The following KCTD8 variants were observed in gnomAD, a reference collection of about 807,000 sequenced individuals.
KCTD8 encodes potassium channel tetramerization domain containing 8, also known as BTB/POZ domain-containing protein KCTD8.
Under a neutral mutation model 31.5 loss-of-function variants are expected in KCTD8, and 27 were observed. That is an observed-to-expected ratio of 0.86 (90% CI 0.63 to 1.18). KCTD8 has a LOEUF of 1.18. Among genes scored for constraint, KCTD8 ranks in the 50% most tolerant of loss-of-function variants. The pLI is 0.00. For missense variants in KCTD8, 658 were observed against 647.7 expected (o/e 1.02, Z -0.17); for synonymous variants, 290 against 280.0 (o/e 1.04, Z -0.36).
intron 1 of KCTD8, among the ~76,000 whole-genome samples, chr4:44,294,183 A>C (rs929778631): frequency 6.6e-6 from 1 of 152,178 alleles, no homozygotes. Context: ...GAAGATAAAC[A>C]ATCACATTAC....
At chr4:44,233,812 T>A (rs1470215076) in intron 1 of KCTD8, among the ~76,000 whole-genome samples, 1 of 152,168 alleles carries the variant, frequency 6.6e-6, no homozygotes, top group Non-Finnish European at 1.5e-5. Context: ...GAATTTTTTT[T>A]AAATTGTGCA....
chr4:44,218,409 C>G (rs1714712713), intron 1 of KCTD8, among the ~76,000 whole-genome samples: 1 of 151,534 alleles, frequency 6.6e-6, no homozygotes, highest in Non-Finnish European at 1.5e-5. Flanking sequence ...GGTGGGAGTA[C>G]AGGCATGAGC....
chr4:44,399,632 G>A (rs1720595830), intron 1 of KCTD8, among the ~76,000 whole-genome samples: 1 of 152,148 alleles, frequency 6.6e-6, no homozygotes, highest in Non-Finnish European at 1.5e-5. Flanking sequence ...ATCCAATAAA[G>A]CAAGAGTGAG....
rs1043076701 is a variant in KCTD8, at chr4:44,448,037, T to C, written c.487A>G (p.Ser163Gly). 3 of 1,609,610 alleles carry C rather than the reference T, an allele frequency of 1.9e-6. No homozygotes were observed. The highest frequency in any genetic ancestry group is 2.5e-6 in the Non-Finnish European group (3 of 1,178,566). ...QNSLNDEGCQ[S>G]DLEDNVSQGS... ...TGCGAGACGTTGTCCTCCAGGTCGC[T>C]CTGGCAGCCCTCGTCGTTGAGAGAG... The change falls in exon 1 of 2, where the codon AGC becomes GGC. Residue 163 changes from serine to glycine, a missense_variant. Ser to Gly is a moderately conservative substitution (Grantham distance 56, BLOSUM62 0). Coordinates refer to ENST00000360029, the MANE Select transcript of KCTD8 (RefSeq NM_198353.3). This position sits in a 1 kb window ranked among gnomAD's most constrained non-coding sequence, Gnocchi z 4.1.
At chr4:44,440,824 C>T (rs1359242514) in intron 1 of KCTD8, among the ~76,000 whole-genome samples, 1 of 152,118 alleles carries the variant, frequency 6.6e-6, no homozygotes, top group African/African-American at 2.4e-5. Flanking sequence ...TATCCTAGTG[C>T]ACACAGAAAA....
At chr4:44,428,026 T>G (rs540366583) in intron 1 of KCTD8, among the ~76,000 whole-genome samples, 4 of 151,676 alleles carry the variant, frequency 2.6e-5, no homozygotes, top group Admixed American at 2.6e-4. Context: ...AAAAGTAAAA[T>G]AGGCCTAGGG....
chr4:44,229,998 T>C (rs1306623793), intron 1 of KCTD8, among the ~76,000 whole-genome samples: 1 of 151,888 alleles, frequency 6.6e-6, no homozygotes, highest in East Asian at 1.9e-4. Context: ...GGCCCTGGTG[T>C]GGGATGTTCC....
chr4:44,212,830 A>T (rs1714530821), intron 1 of KCTD8, among the ~76,000 whole-genome samples: 1 of 152,166 alleles, frequency 6.6e-6, no homozygotes, highest in Non-Finnish European at 1.5e-5. Flanking sequence ...ATTTATATTT[A>T]TTGTGATTAC....
At chr4:44,320,030 G>C (rs1718248591) in intron 1 of KCTD8, among the ~76,000 whole-genome samples, 2 of 151,764 alleles carry the variant, frequency 1.3e-5, no homozygotes, top group African/African-American at 4.8e-5. Flanking sequence ...AAATTGGCTG[G>C]GTGTGCTGGT....
intron 1 of KCTD8, among the ~76,000 whole-genome samples, chr4:44,287,607 C>T (rs1477185376): frequency 6.6e-6 from 1 of 152,102 alleles, no homozygotes; most frequent in African/African-American, 2.4e-5. Context: ...AATCTACCTC[C>T]TGGAGTATTT....
chr4:44,408,363 A>G (rs1193791690), intron 1 of KCTD8, among the ~76,000 whole-genome samples: 1 of 152,220 alleles, frequency 6.6e-6, no homozygotes, highest in Non-Finnish European at 1.5e-5. Flanking sequence ...ACAAAAAATT[A>G]TGTAGCATAC....
intron 1 of KCTD8, among the ~76,000 whole-genome samples, chr4:44,421,142 T>C (rs1257971110): frequency 6.6e-6 from 1 of 152,142 alleles, no homozygotes; most frequent in Non-Finnish European, 1.5e-5. Context: ...TCCATACGAT[T>C]TGACTCCCTA....
chr4:44,372,651 A>C (rs1157366812), intron 1 of KCTD8, among the ~76,000 whole-genome samples: 2 of 152,172 alleles, frequency 1.3e-5, no homozygotes, highest in Admixed American at 1.3e-4. Context: ...TTCAAAATCC[A>C]GAAGTTTCTG....
intron 1 of KCTD8, among the ~76,000 whole-genome samples, chr4:44,292,464 G>T (rs1227905308): frequency 6.6e-6 from 1 of 151,990 alleles, no homozygotes; most frequent in African/African-American, 2.4e-5. Context: ...AGACACTGAG[G>T]ATTACTAGAA....
chr4:44,289,224 A>C (rs1395884304), intron 1 of KCTD8, among the ~76,000 whole-genome samples: 1 of 151,348 alleles, frequency 6.6e-6, no homozygotes, highest in African/African-American at 2.4e-5. Context: ...ATTGCATAAC[A>C]TTACATATTA....
At chr4:44,403,987 T>C (rs978761792) in intron 1 of KCTD8, among the ~76,000 whole-genome samples, 3 of 152,198 alleles carry the variant, frequency 2.0e-5, no homozygotes, top group African/African-American at 7.2e-5. Context: ...TAATTTGGTA[T>C]TGATAGTCTG....
chr4:44,328,675 C>G (rs139993337), intron 1 of KCTD8, among the ~76,000 whole-genome samples: 2 of 152,034 alleles, frequency 1.3e-5, no homozygotes, highest in East Asian at 3.9e-4. Flanking sequence ...TCAGTGCCAT[C>G]CAAAGAGTTG....
At chr4:44,278,973 G>T (rs907458803) in intron 1 of KCTD8, among the ~76,000 whole-genome samples, 1 of 151,940 alleles carries the variant, frequency 6.6e-6, no homozygotes, top group African/African-American at 2.4e-5. Flanking sequence ...TTCTCTTACG[G>T]TCTGTTAGGA....
At chr4:44,284,467 C>T (rs1281706689) in intron 1 of KCTD8, among the ~76,000 whole-genome samples, 1 of 152,048 alleles carries the variant, frequency 6.6e-6, no homozygotes, top group African/African-American at 2.4e-5. Context: ...ATACAAAAAT[C>T]AACTCAAGAT....
Sources: gnomAD v4.1 joint callset for allele counts (sites outside exome capture counted in the v4.1 genomes callset) on GRCh38, gnomAD v4.1.1 for gene constraint, Gnocchi (gnomAD v3.1) non-coding constraint, MANE v1.5 for transcripts, NCBI Gene and HGNC (gene_info 2026-07-23, HGNC 2026-07-21) for gene names.